Variants in CACNA1E observed in about 807,000 individuals in gnomAD.
CACNA1E encodes the protein calcium voltage-gated channel subunit alpha1 E, also known as voltage-dependent R-type calcium channel subunit alpha-1E.
In CACNA1E, 40 loss-of-function variants were observed where a neutral mutation model predicts 259.2. That is an observed-to-expected ratio of 0.15 (90% CI 0.12 to 0.20). CACNA1E has a LOEUF of 0.20. Ranked by LOEUF, CACNA1E falls within the 10% of genes least tolerant of loss-of-function variation. The probability of loss-of-function intolerance (pLI) is 1.00; values close to 1 mark genes in which losing one functional copy is unlikely to be tolerated. For missense variants in CACNA1E, 1,874 were observed against 3,040.1 expected (o/e 0.62, Z 9.02); for synonymous variants, 1,104 against 1,138.5 (o/e 0.97, Z 0.61).
At chr1:181,707,497 G>A (rs1368459461) in intron 7 of CACNA1E, among the ~76,000 whole-genome samples, 1 of 152,154 alleles carries the variant, frequency 6.6e-6, no homozygotes, top group African/African-American at 2.4e-5. Flanking sequence ...ACCGGAAGAG[G>A]TTAGATAAAG....
At position 181,567,956 on chromosome 1, in the gene CACNA1E, CAT is replaced by C. The variant is rs557828383; in HGVS notation, c.513-9802_513-9801del. Among the ~76,000 whole-genome samples the C allele has an allele frequency of 8.6e-3, 1,300 of 151,862 alleles. 9 individuals carry two copies. Among genetic ancestry groups the C allele is most frequent in the Non-Finnish European group, 0.015 (1,014 of 67,958 alleles). ...GTATGTGTGTATATATATATACACA[CAT>C]ATATATACACACACACACATCTGGC... is the stretch of plus-strand genomic sequence containing the variant. On this transcript the variant is annotated intron_variant, in intron 3 of 47. Coordinates refer to ENST00000367573, the MANE Select transcript of CACNA1E (RefSeq NM_001205293.3).
At chr1:181,425,134 C>T (rs1043202740) in intron 2 of CACNA1E, among the ~76,000 whole-genome samples, 1 of 152,174 alleles carries the variant, frequency 6.6e-6, no homozygotes, top group Non-Finnish European at 1.5e-5. Context: ...GTGGTTGTTT[C>T]TGTGTATTGC....
At chr1:181,760,150 G>A (rs916161293) in intron 32 of CACNA1E, among the ~76,000 whole-genome samples, 5 of 152,188 alleles carry the variant, frequency 3.3e-5, no homozygotes, top group Admixed American at 3.3e-4. Flanking sequence ...ATGTGGTATT[G>A]ACATTGTCTG....
chr1:181,376,592 T>C (rs1448020362), intron 1 of CACNA1E, among the ~76,000 whole-genome samples: 1 of 152,168 alleles, frequency 6.6e-6, no homozygotes, highest in Non-Finnish European at 1.5e-5. Flanking sequence ...CCCTCACAGC[T>C]TGGGGCAGGA....
intron 2 of CACNA1E, among the ~76,000 whole-genome samples, chr1:181,428,214 G>A (rs1007442681): frequency 2.0e-5 from 3 of 152,218 alleles, no homozygotes; most frequent in African/African-American, 7.2e-5. Context: ...AAATTGAAAT[G>A]TGAACTTTCA....
intron 6 of CACNA1E, among the ~76,000 whole-genome samples, chr1:181,630,394 C>CG (rs1326725389): frequency 6.6e-6 from 1 of 151,242 alleles, no homozygotes; most frequent in African/African-American, 2.4e-5. Context: ...GCCCCCCCAC[C>CG]CCGCCTTAAA....
At chr1:181,521,905 G>T (rs1381216353) in intron 3 of CACNA1E, among the ~76,000 whole-genome samples, 3 of 152,102 alleles carry the variant, frequency 2.0e-5, no homozygotes, top group African/African-American at 7.2e-5. Flanking sequence ...CAAAAAGAAG[G>T]CTGGAGGGGA....
At chr1:181,407,699 A>T (rs766796590) in intron 1 of CACNA1E, among the ~76,000 whole-genome samples, 15 of 152,254 alleles carry the variant, frequency 9.9e-5, no homozygotes, top group Non-Finnish European at 1.9e-4. Context: ...GCTAAGAAAA[A>T]TCCCTAGATG....
intron 7 of CACNA1E, among the ~76,000 whole-genome samples, chr1:181,693,259 A>C (rs564235339): frequency 6.6e-6 from 1 of 152,110 alleles, no homozygotes; most frequent in East Asian, 1.9e-4. Context: ...TTCTCAAAGA[A>C]TTTAAAACAA....
upstream of CACNA1E, among the ~76,000 whole-genome samples, chr1:181,479,186 G>A (rs907137951): frequency 6.6e-6 from 1 of 152,130 alleles, no homozygotes; most frequent in Non-Finnish European, 1.5e-5. Context: ...AGATGGGCTG[G>A]CTGCATTGTG....
intron 3 of CACNA1E, among the ~76,000 whole-genome samples, chr1:181,564,701 T>C (rs932588509): frequency 6.6e-6 from 1 of 152,174 alleles, no homozygotes; most frequent in East Asian, 1.9e-4. Context: ...GGAATCATGA[T>C]CTATGGCAGC....
At chr1:181,619,232 G>T (rs551269177) in intron 6 of CACNA1E, among the ~76,000 whole-genome samples, 2 of 130,154 alleles carry the variant, frequency 1.5e-5, no homozygotes, top group Admixed American at 7.4e-5. Flanking sequence ...TTTATATGGG[G>T]TAGTTAGGAA....
intron 18 of CACNA1E, 53 bp from the exon 19 acceptor site, chr1:181,731,122 T>C: frequency 6.9e-7 from 1 of 1,445,164 alleles, no homozygotes; most frequent in South Asian, 1.2e-5. Context: ...GCTGTGGGGC[T>C]TGAGGTTCCT....
rs1419443145 is a variant in CACNA1E at position 181,802,892 on chromosome 1, G to A, written c.*4058G>A. The stretch of plus-strand genomic sequence containing the variant: ...TAGTGGTTGGGGCCAGGGACAGGTT[G>A]AGGGATATTTCTCGGCTCATTTATA... On this transcript the variant is annotated 3_prime_UTR_variant, in exon 48 of 48. Transcript: ENST00000367573. 6.6e-6 allele frequency: 1 copy of A among 152,202 alleles called. No individual in the cohort carries two copies. Among genetic ancestry groups the A allele is most frequent in the Non-Finnish European group, 1.5e-5 (1 of 68,040 alleles). The allele number at this position is 152,202 out of a possible 1,614,324, so 9.4% of individuals were successfully genotyped here. A position where few individuals can be genotyped will look rare whatever the true frequency, so the allele number is the denominator to read the frequency against.
intron 7 of CACNA1E, chr1:181,651,941 G>A (rs762503954): frequency 6.5e-6 from 1 of 152,864 alleles, no homozygotes; most frequent in Non-Finnish European, 1.5e-5. Flanking sequence ...ATAAGGTGTG[G>A]TTCCTCTCCT....
At chr1:181,365,837 G>GTGC (rs1294974814) in intron 1 of CACNA1E, among the ~76,000 whole-genome samples, 4 of 152,260 alleles carry the variant, frequency 2.6e-5, no homozygotes, top group Non-Finnish European at 4.4e-5. Flanking sequence ...GATGATGGAA[G>GTGC]TGCTGGTAGC....
chr1:181,496,314 A>G (rs1315646579), intron 1 of CACNA1E, among the ~76,000 whole-genome samples: 1 of 152,240 alleles, frequency 6.6e-6, no homozygotes, highest in Non-Finnish European at 1.5e-5. Flanking sequence ...GATACTTAAA[A>G]TGATCTATAA....
intron 3 of CACNA1E, among the ~76,000 whole-genome samples, chr1:181,566,182 C>T (rs57747101): frequency 6.6e-6 from 1 of 152,150 alleles, no homozygotes; most frequent in African/African-American, 2.4e-5. Context: ...TAGCCATTAT[C>T]TTTCGTAGCT....
intron 7 of CACNA1E, among the ~76,000 whole-genome samples, chr1:181,684,718 C>T (rs187067477): frequency 1.3e-5 from 2 of 152,194 alleles, no homozygotes; most frequent in East Asian, 1.9e-4. Context: ...ATCCCAGCAC[C>T]GTTTATTGAA....
Sources: allele counts gnomAD v4.1 joint callset (sites outside exome capture counted in the v4.1 genomes callset), GRCh38; gene constraint gnomAD v4.1.1; transcripts MANE v1.5; gene names NCBI Gene and HGNC (gene_info 2026-07-23, HGNC 2026-07-21).